MIPEP: variants seen among roughly 807,000 people sequenced by gnomAD.
MIPEP encodes the protein mitochondrial intermediate peptidase.
MIPEP carries 79 observed loss-of-function variants against 90.3 expected under a neutral mutation model. The observed-to-expected ratio is 0.87, with a 90% CI of 0.73 to 1.05. The LOEUF (loss-of-function observed/expected upper bound fraction) is 1.05. MIPEP is among the 50% of genes least tolerant of loss of function. The pLI, the probability that MIPEP is intolerant of heterozygous loss-of-function variation, is 0.00. For missense variants in MIPEP, 940 were observed against 905.6 expected (o/e 1.04, Z -0.49); for synonymous variants, 334 against 315.8 (o/e 1.06, Z -0.61).
chr13:23,760,494 A>G lies in MIPEP; in HGVS notation c.1849-277T>C, dbSNP rs573544980. ...CAGCCTCCAAAGACGTGATTAAGTAAAAGTGAAGCTCTTAGACTGGGCCCT... is the reference window on the plus strand; with the variant it reads ...CAGCCTCCAAAGACGTGATTAAGTAGAAGTGAAGCTCTTAGACTGGGCCCT... On this transcript the variant is annotated intron_variant, in intron 16 of 18. Coordinates refer to ENST00000382172, the MANE Select transcript of MIPEP (RefSeq NM_005932.4). The G allele has an allele frequency of 2.9e-5, 18 of 621,022 alleles. 1 individual carries two copies. Among genetic ancestry groups the G allele is most frequent in the South Asian group, 1.3e-4 (9 of 71,960 alleles). 38.5% of individuals were successfully genotyped at this position (621,022 alleles called of 1,614,324 possible). A position where few individuals can be genotyped will look rare whatever the true frequency, so the allele number is the denominator to read the frequency against.
At chr13:23,857,307 T>C (rs961933990) in intron 10 of MIPEP, among the ~76,000 whole-genome samples, 2 of 152,196 alleles carry the variant, frequency 1.3e-5, no homozygotes, top group African/African-American at 4.8e-5. Context: ...AGTTTATGTG[T>C]TTTCACTAAA....
chr13:23,846,121 C>A (rs1416158255), intron 10 of MIPEP, among the ~76,000 whole-genome samples: 2 of 152,084 alleles, frequency 1.3e-5, no homozygotes, highest in Non-Finnish European at 2.9e-5. Flanking sequence ...ATAATATTTA[C>A]TGATTCCCCT....
intron 4 of MIPEP, 65 bp from the exon 5 acceptor site, chr13:23,874,974 T>G (rs1871002785): frequency 6.9e-7 from 1 of 1,444,634 alleles, no homozygotes; most frequent in Admixed American, 2.3e-5. Flanking sequence ...AAATTGTGGT[T>G]TTTTGTTAAA....
chr13:23,817,663 T>A (rs894946078), intron 14 of MIPEP, among the ~76,000 whole-genome samples: 1 of 152,074 alleles, frequency 6.6e-6, no homozygotes, highest in South Asian at 2.1e-4. Context: ...CACAAGAAGG[T>A]GGAGTCTGTG....
At chr13:23,795,827 C>CAAA (rs56358765) in intron 16 of MIPEP, among the ~76,000 whole-genome samples, 11 of 133,600 alleles carry the variant, frequency 8.2e-5, no homozygotes, top group East Asian at 2.2e-4. Flanking sequence ...TCATCTCTAC[C>CAAA]AAAAAAAAAA....
chr13:23,831,341 C>A (rs1472633165), intron 14 of MIPEP, among the ~76,000 whole-genome samples: 8 of 126,580 alleles, frequency 6.3e-5, no homozygotes, highest in Admixed American at 6.1e-4. Context: ...CTCTGAGTAC[C>A]CAAATGATCT....
At chr13:23,787,333 T>A (rs959880590) in intron 16 of MIPEP, among the ~76,000 whole-genome samples, 32 of 151,690 alleles carry the variant, frequency 2.1e-4, no homozygotes, top group African/African-American at 7.3e-4. Context: ...AGTGTGGAGA[T>A]GGCAGTTTGC....
chr13:23,802,516 C>T (rs997277372), intron 16 of MIPEP, among the ~76,000 whole-genome samples: 13 of 152,130 alleles, frequency 8.5e-5, no homozygotes, highest in Middle Eastern at 3.4e-3. Flanking sequence ...TGCAGTGAGC[C>T]GAGACTGCAC....
At chr13:23,844,958 A>G (rs1232690531) in intron 10 of MIPEP, among the ~76,000 whole-genome samples, 2 of 152,170 alleles carry the variant, frequency 1.3e-5, no homozygotes, top group East Asian at 3.9e-4. Context: ...ACAATGGGCA[A>G]AAAGTATACT....
chr13:23,842,361 T>C (rs1869334539), intron 10 of MIPEP: 1 of 152,136 alleles, frequency 6.6e-6, no homozygotes, highest in Non-Finnish European at 1.5e-5. Flanking sequence ...TATAAAAACA[T>C]AGTTACTAAT....
chr13:23,766,747 C>G (rs1465324755), intron 16 of MIPEP, among the ~76,000 whole-genome samples: 1 of 152,214 alleles, frequency 6.6e-6, no homozygotes, highest in East Asian at 1.9e-4. Context: ...TTAAGTGGAA[C>G]AGTTATTGTG....
chr13:23,886,334 A>G lies in MIPEP; in HGVS notation c.362T>C (p.Leu121Ser). The change falls in exon 2 of 19, where the codon TTG (leucine) becomes TCG (serine). Residue 121 changes from leucine to serine, a missense_variant and splice_region_variant. Coordinates refer to ENST00000382172, the MANE Select transcript of MIPEP (RefSeq NM_005932.4). ...CAAGTCTGAGGTAAAGCACCTTACC[A>G]AGTCGGCCACTCTGCATAAGGAATC... ...LSDSLCRVADLADFVKIAHPE... is the reference protein window; with the variant it reads ...LSDSLCRVADSADFVKIAHPE... 6.5e-7 allele frequency: 1 copy of G among 1,526,906 alleles called. No individual in the cohort carries two copies. Among genetic ancestry groups the G allele is most frequent in the African/African-American group, 1.4e-5 (1 of 71,664 alleles). The allele number at this position is 1,526,906 out of a possible 1,614,324, so 94.6% of individuals were successfully genotyped here. A position where few individuals can be genotyped will look rare whatever the true frequency, so the allele number is the denominator to read the frequency against.
At chr13:23,852,621 T>A (rs997406448) in intron 10 of MIPEP, among the ~76,000 whole-genome samples, 1 of 152,230 alleles carries the variant, frequency 6.6e-6, no homozygotes, top group African/African-American at 2.4e-5. Flanking sequence ...TATGAAAGCC[T>A]AACACACACA....
rs114992895 is a variant in MIPEP at position 23,861,679 on chromosome 13, T to C, written c.1053+623A>G. Among the ~76,000 whole-genome samples, 246 of 152,274 alleles carry C rather than the reference T, an allele frequency of 1.6e-3. 1 individual carries two copies. The highest frequency in any genetic ancestry group is 5.6e-3 in the African/African-American group (233 of 41,554). On this transcript the variant is annotated intron_variant, in intron 9 of 18. Coordinates refer to ENST00000382172, the MANE Select transcript of MIPEP (RefSeq NM_005932.4). ...GGTGTAGACAACCCCGGCAATCCTG[T>C]AGTGCCCTAGAACCAAATGGGAATG...
At chr13:23,822,166 T>C (rs1001522413) in intron 14 of MIPEP, among the ~76,000 whole-genome samples, 5 of 152,246 alleles carry the variant, frequency 3.3e-5, no homozygotes, top group Admixed American at 6.5e-5. Context: ...GGTAGAAATG[T>C]TGTTTCTACT....
At chr13:23,833,967 C>A (rs1419712983) in intron 14 of MIPEP, among the ~76,000 whole-genome samples, 1 of 152,074 alleles carries the variant, frequency 6.6e-6, no homozygotes, top group Non-Finnish European at 1.5e-5. Flanking sequence ...GTGGCGCCTC[C>A]CTTGGCCTGA....
At chr13:23,869,197 T>G (rs1443199317) in intron 7 of MIPEP, 95 bp downstream of exon 7, 5 of 1,177,860 alleles carry the variant, frequency 4.2e-6, no homozygotes, top group Non-Finnish European at 5.9e-6. Context: ...CTACATGTAT[T>G]AAAAATAGAA....
At chr13:23,769,627 C>T (rs1490131759) in intron 16 of MIPEP, among the ~76,000 whole-genome samples, 2 of 152,122 alleles carry the variant, frequency 1.3e-5, no homozygotes, top group East Asian at 3.9e-4. Flanking sequence ...CCTGTAGGGG[C>T]TCATAGCTTT....
chr13:23,796,211 G>C (rs1030064139), intron 16 of MIPEP, among the ~76,000 whole-genome samples: 2 of 152,124 alleles, frequency 1.3e-5, no homozygotes, highest in Non-Finnish European at 2.9e-5. Context: ...TTGAGGCCAG[G>C]AGTTCAAGAC....
Sources: gnomAD v4.1 joint callset for allele counts (sites outside exome capture counted in the v4.1 genomes callset) on GRCh38, gnomAD v4.1.1 for gene constraint, MANE v1.5 for transcripts, NCBI Gene and HGNC (gene_info 2026-07-23, HGNC 2026-07-21) for gene names.